KCNT1: variants seen among roughly 807,000 people sequenced by gnomAD.
KCNT1 encodes potassium sodium-activated channel subfamily T member 1.
KCNT1 carries 78 observed loss-of-function variants against 147.8 expected under a neutral mutation model. The observed-to-expected ratio is 0.53, with a 90% CI of 0.44 to 0.64. The LOEUF is 0.64. Ranked by LOEUF, KCNT1 falls within the 30% of genes least tolerant of loss-of-function variation. The pLI is 0.00. For synonymous variants in KCNT1, 867 were observed against 748.8 expected, an observed-to-expected ratio of 1.16 and a Z score of -2.58; for missense variants, 1,419 against 1,750.3, an observed-to-expected ratio of 0.81 and a Z score of 3.38.
intron 3 of KCNT1, chr9:135,750,691 C>T: frequency 1.7e-6 from 1 of 575,426 alleles, no homozygotes; most frequent in Non-Finnish European, 3.1e-6. Context: ...AGTGGAGTGG[C>T]CTCTAGAAAT....
Position 135,755,111 on chromosome 9 carries a change from C to G in KCNT1, c.492-10C>G, listed in dbSNP as rs996096887. On this transcript the variant is annotated splice_polypyrimidine_tract_variant and intron_variant, in intron 5 of 30. Transcript: ENST00000371757. ...GGTGCCCTACTGTGCTGCCTCCTTT[C>G]TCTTCCCAGGGCTCCTATTCTGTGG... 2 of 1,608,854 alleles carry G rather than the reference C, an allele frequency of 1.2e-6. No homozygotes were observed. Among genetic ancestry groups the G allele is most frequent in the Non-Finnish European group, 1.7e-6 (2 of 1,177,544 alleles).
intron 3 of KCNT1, 149 bp downstream of exon 3, chr9:135,750,326 C>A: frequency 1.6e-6 from 1 of 628,348 alleles, no homozygotes. Context: ...CATTTGGAAG[C>A]AGGGTGGGGG....
chr9:135,775,506 A>G, intron 20 of KCNT1, 91 bp downstream of exon 20: 1 of 929,770 alleles, frequency 1.1e-6, no homozygotes, highest in Admixed American at 2.7e-5. Flanking sequence ...GTCACTTTAC[A>G]TTTCGATACC....
At position 135,726,580 on chromosome 9, in the gene KCNT1, G is replaced by A. The variant is rs1176002328; in HGVS notation, c.254+11860G>A. ...GTTCTGCTACGGACGGGGCCCCTTG[G>A]AGACCCAGATCAGACTCTGCCAAGG... On this transcript the variant is annotated intron_variant, in intron 2 of 30. Transcript: ENST00000371757. Among the ~76,000 whole-genome samples the A allele has an allele frequency of 2.6e-5, 4 of 152,116 alleles. No individual in the cohort carries two copies. The East Asian group carries it at 5.8e-4, about 22-fold the overall frequency.
At chr9:135,711,508 C>T (rs1835486010) in intron 1 of KCNT1, among the ~76,000 whole-genome samples, 1 of 152,258 alleles carries the variant, frequency 6.6e-6, no homozygotes, top group Non-Finnish European at 1.5e-5. Context: ...TCTCAGGATT[C>T]CATGCCACCA....
intron 21 of KCNT1, 83 bp from the exon 22 acceptor site, chr9:135,778,341 G>C: frequency 1.5e-6 from 2 of 1,302,008 alleles, no homozygotes; most frequent in East Asian, 5.0e-5. Context: ...CCAGCTCTGT[G>C]CATGGAGGGT....
intron 18 of KCNT1, 103 bp downstream of exon 18, chr9:135,771,198 A>C (rs1832735974): frequency 9.1e-7 from 1 of 1,103,914 alleles, no homozygotes; most frequent in South Asian, 1.5e-5. Flanking sequence ...ACCAGGCAGG[A>C]CAGGGGGAGG....
In KCNT1 at chr9:135,786,634, T is replaced by C. The variant is rs1293185573; in HGVS notation, c.3502+113T>C. The stretch of plus-strand genomic sequence containing the variant: ...GGGGCCCGGGCCGTCCTCCTGTCTG[T>C]CATCTGTCTGTCTGTCAGCCTTTCT... On this transcript the variant is annotated intron_variant, in intron 29 of 30. Transcript: ENST00000371757. 10 of 1,027,032 alleles carry C rather than the reference T, an allele frequency of 9.7e-6. No homozygotes were observed. In the East Asian group the frequency reaches 2.6e-4, roughly 27 times the overall value. The allele number at this position is 1,027,032 out of a possible 1,614,324, so 63.6% of individuals were successfully genotyped here.
rs186996338 is a variant in KCNT1 at position 135,769,832 on chromosome 9, G to C, written c.1511-115G>C. On this transcript the variant is annotated intron_variant, in intron 15 of 30. Coordinates refer to ENST00000371757, the MANE Select transcript of KCNT1 (RefSeq NM_020822.3). The stretch of plus-strand genomic sequence containing the variant: ...GATGCTGAAGCCGGACAGCAGACAC[G>C]GGGGTGCCAGGCAAGGGTGCATCTG... The C allele has an allele frequency of 9.6e-5, 68 of 709,006 alleles. No individual in the cohort carries two copies. The African/African-American group carries it at 1.1e-3, about 12-fold the overall frequency. The allele number at this position is 709,006 out of a possible 1,614,324, so 43.9% of individuals were successfully genotyped here.
rs995633754 is a variant in KCNT1 at position 135,789,312 on chromosome 9, C to T, written c.3503-2485C>T. 16 of 152,348 alleles carry T rather than the reference C, an allele frequency of 1.1e-4. No homozygotes were observed. In the East Asian group the frequency reaches 1.4e-3, roughly 13 times the overall value. 9.4% of individuals were successfully genotyped at this position (152,348 alleles called of 1,614,324 possible). ...TACATGCCCGGGAGGGTGACGGTGC[C>T]GGGGTTCTGGGGCTGGGGAGCTGCA... On this transcript the variant is annotated intron_variant, in intron 29 of 30. Coordinates refer to ENST00000371757, the MANE Select transcript of KCNT1 (RefSeq NM_020822.3).
intron 2 of KCNT1, among the ~76,000 whole-genome samples, chr9:135,735,844 G>C (rs1206633341): frequency 1.3e-5 from 2 of 152,220 alleles, no homozygotes; most frequent in Non-Finnish European, 2.9e-5. Context: ...AGCTGGCTTC[G>C]GGGCAGCTGG....
In KCNT1 at chr9:135,753,979, C is replaced by T; in HGVS notation, c.477C>T (p.Ser159=). 1 of 1,614,100 alleles carries T rather than the reference C, an allele frequency of 6.2e-7. No homozygotes were observed. Among genetic ancestry groups the T allele is most frequent in the South Asian group, 1.1e-5 (1 of 91,084 alleles). ...PKQNYSFNDS[S]SEINWAPILW... ...AGAACTACTCCTTCAATGACTCGTC[C>T]TCCGAGATCAACTGGTGAGTCCACA... Residue 159 remains serine (S), a synonymous_variant, in exon 5 of 31, where the codon TCC becomes TCT. Coordinates refer to ENST00000371757, the MANE Select transcript of KCNT1 (RefSeq NM_020822.3).
chr9:135,773,285 CAG>C (rs1832889625), intron 19 of KCNT1, among the ~76,000 whole-genome samples: 1 of 152,196 alleles, frequency 6.6e-6, no homozygotes, highest in Non-Finnish European at 1.5e-5. Context: ...GCGCCACCCT[CAG>C]AGAGGGGCCC....
intron 1 of KCNT1, among the ~76,000 whole-genome samples, chr9:135,708,835 A>G (rs535463043): frequency 6.6e-6 from 1 of 152,332 alleles, no homozygotes; most frequent in East Asian, 1.9e-4. Context: ...GTGAGGCACC[A>G]TGCTGGACCA....
intron 2 of KCNT1, among the ~76,000 whole-genome samples, chr9:135,715,796 T>C (rs1205046519): frequency 6.6e-6 from 1 of 152,200 alleles, no homozygotes; most frequent in Non-Finnish European, 1.5e-5. Context: ...TTAAAACCCC[T>C]CTGCCTGCGG....
intron 1 of KCNT1, among the ~76,000 whole-genome samples, chr9:135,703,446 G>T (rs1165117538): frequency 2.0e-5 from 3 of 152,216 alleles, no homozygotes; most frequent in Non-Finnish European, 4.4e-5. Flanking sequence ...TGGAGAGGAG[G>T]TTCCCAGAAT....
chr9:135,763,515 G>T (rs532089389), intron 11 of KCNT1, among the ~76,000 whole-genome samples: 2 of 152,158 alleles, frequency 1.3e-5, no homozygotes, highest in East Asian at 3.9e-4. Context: ...AGAATCGGAA[G>T]TGGAGGGGTT....
intron 15 of KCNT1, among the ~76,000 whole-genome samples, chr9:135,769,218 GGCACGTGT>G (rs1185184825): frequency 8.3e-5 from 12 of 145,018 alleles, no homozygotes; most frequent in African/African-American, 2.1e-4. Context: ...TCTGGGGCAG[GGCACGTGT>G]GCACGTGTGT....
At chr9:135,726,203 G>A (rs555838928) in intron 2 of KCNT1, among the ~76,000 whole-genome samples, 2 of 152,220 alleles carry the variant, frequency 1.3e-5, no homozygotes, top group East Asian at 1.9e-4. Context: ...CTGGGGCAGG[G>A]GCAGCTGAGG....
Sources: allele counts gnomAD v4.1 joint callset (sites outside exome capture counted in the v4.1 genomes callset), GRCh38; gene constraint gnomAD v4.1.1; transcripts MANE v1.5; gene names NCBI Gene and HGNC (gene_info 2026-07-23, HGNC 2026-07-21).